The following KAZN variants were observed in gnomAD, a reference collection of about 807,000 sequenced individuals.
KAZN encodes the protein kazrin.
A neutral mutation model predicts 87.4 loss-of-function variants in KAZN; 40 were observed. The ratio of observed to expected loss-of-function variants is 0.46; its 90% CI spans 0.36 to 0.60. The LOEUF (loss-of-function observed/expected upper bound fraction) is 0.60. Ranked by LOEUF, KAZN falls within the 20% of genes least tolerant of loss-of-function variation. KAZN has a pLI of 0.00. For synonymous variants in KAZN, 466 were observed against 458.3 expected (o/e 1.02, Z -0.22); for missense variants, 898 against 1,073.9 (o/e 0.84, Z 2.29).
intron 1 of KAZN, among the ~76,000 whole-genome samples, chr1:14,763,388 T>A (rs1253373309): frequency 6.6e-6 from 1 of 152,180 alleles, no homozygotes; most frequent in African/African-American, 2.4e-5. Context: ...AGGATCCCAC[T>A]CACCTGTGTT....
chr1:14,357,620 T>C (rs1181972699), intron 2 of KAZN, among the ~76,000 whole-genome samples: 1 of 152,066 alleles, frequency 6.6e-6, no homozygotes, highest in Non-Finnish European at 1.5e-5. Context: ...TTATTGAGAG[T>C]TTTTAGCACG....
chr1:14,433,073 C>T (rs1005738284), intron 2 of KAZN, among the ~76,000 whole-genome samples: 1 of 152,026 alleles, frequency 6.6e-6, no homozygotes, highest in African/African-American at 2.4e-5. Flanking sequence ...TCCCAAAGCT[C>T]TACATATTTA....
rs140471615 is a variant in KAZN, at chr1:13,958,806, C to T, written c.91+65050C>T. Among the ~76,000 whole-genome samples, 393 of 152,036 alleles carry T rather than the reference C, an allele frequency of 2.6e-3. 1 individual carries two copies. The highest frequency in any genetic ancestry group is 4.5e-3 in the Non-Finnish European group (305 of 67,966). ...GGTAGATTTCAGAACAGAGAGGAGA[C>T]CAATGTGGCTGGAGCCAAGGCGGGA... On this transcript the variant is annotated intron_variant, in intron 1 of 16. Transcript: ENST00000636203.
At chr1:13,970,640 T>A (rs1642104882) in intron 1 of KAZN, among the ~76,000 whole-genome samples, 1 of 152,244 alleles carries the variant, frequency 6.6e-6, no homozygotes, top group South Asian at 2.1e-4. Context: ...CTCTTAAGAT[T>A]GTTCTCTTTT....
intron 1 of KAZN, among the ~76,000 whole-genome samples, chr1:14,740,278 G>T (rs953058960): frequency 2.0e-5 from 3 of 152,202 alleles, no homozygotes; most frequent in African/African-American, 7.2e-5. Flanking sequence ...AATCCCAGAT[G>T]CACAGGCTGT....
At chr1:14,295,249 T>G (rs1269419288) in intron 2 of KAZN, among the ~76,000 whole-genome samples, 1 of 152,238 alleles carries the variant, frequency 6.6e-6, no homozygotes, top group African/African-American at 2.4e-5. Flanking sequence ...CCAGCCATGT[T>G]TGCCTCTAGG....
In KAZN at chr1:14,773,517, A is replaced by G. The variant is rs1645080199; in HGVS notation, c.226+174294A>G. Among the ~76,000 whole-genome samples the G allele has an allele frequency of 6.6e-6, 1 of 152,126 alleles. No individual in the cohort carries two copies. Among genetic ancestry groups the G allele is most frequent in the Admixed American group, 6.5e-5 (1 of 15,270 alleles). On this transcript the variant is annotated intron_variant, in intron 1 of 14. Coordinates refer to ENST00000376030, the MANE Select transcript of KAZN (RefSeq NM_201628.3). This position sits in a 1 kb window ranked among gnomAD's most constrained non-coding sequence, Gnocchi z 5.9. ...CTTCCAGAGTGGTCACTGGGAGGCA[A>G]AAGGGCCTGGCTTCCCCGAATCTCA...
At chr1:13,901,425 A>G (rs1639246611) in intron 1 of KAZN, among the ~76,000 whole-genome samples, 2 of 152,236 alleles carry the variant, frequency 1.3e-5, no homozygotes, top group South Asian at 4.1e-4. Context: ...GGTCTGAAAC[A>G]AGGGGCCGGA....
At chr1:14,646,312 G>A (rs1468906105) in intron 1 of KAZN, among the ~76,000 whole-genome samples, 1 of 152,228 alleles carries the variant, frequency 6.6e-6, no homozygotes, top group East Asian at 1.9e-4. Context: ...TTGGGAGGCT[G>A]AGGCAGGAGG....
At chr1:14,430,249 C>A (rs1284080188) in intron 2 of KAZN, among the ~76,000 whole-genome samples, 1 of 149,476 alleles carries the variant, frequency 6.7e-6, no homozygotes, top group Non-Finnish European at 1.5e-5. Flanking sequence ...TCTTTGCCTA[C>A]TTTTTTTTCC....
chr1:15,067,110 T>G lies in KAZN; in HGVS notation c.1222+1357T>G, dbSNP rs939874979. The G allele has an allele frequency of 6.1e-6, 6 of 985,628 alleles. No individual in the cohort carries two copies. The African/African-American group carries it at 7.0e-5, about 11-fold the overall frequency. 61.1% of individuals were successfully genotyped at this position (985,628 alleles called of 1,614,324 possible). A position where few individuals can be genotyped will look rare whatever the true frequency, so the allele number is the denominator to read the frequency against. On this transcript the variant is annotated intron_variant, in intron 8 of 14. Transcript: ENST00000376030. ...CAGCTTCTGTTCCTCCCTGCAGCTG[T>G]GTCTTTCTTGTCCTGGGTTTAGGAT... is the stretch of plus-strand genomic sequence containing the variant.
At position 14,806,375 on chromosome 1, in the gene KAZN, A is replaced by G. The variant is rs112595777; in HGVS notation, c.227-154309A>G. 3.2e-3 allele frequency among the ~76,000 whole-genome samples: 485 copies of G among 152,282 alleles called. 6 individuals carry two copies. The highest frequency in any genetic ancestry group is 0.011 in the African/African-American group (459 of 41,546). ...GCCGTGTTCATTTTTTTGACATTCA[A>G]TTATATTTCTTATTTTATCATTTGG... On this transcript the variant is annotated intron_variant, in intron 1 of 14. Transcript: ENST00000376030.
At chr1:14,384,557 G>A (rs1661690719) in intron 2 of KAZN, among the ~76,000 whole-genome samples, 1 of 152,128 alleles carries the variant, frequency 6.6e-6, no homozygotes, top group Admixed American at 6.5e-5. Context: ...GGCCTTTTCT[G>A]CCTCTATTGA....
intron 2 of KAZN, among the ~76,000 whole-genome samples, chr1:14,277,346 T>C (rs1456111168): frequency 6.6e-6 from 1 of 152,192 alleles, no homozygotes; most frequent in Non-Finnish European, 1.5e-5. Flanking sequence ...AACACCTAAA[T>C]TATTTTTAAA....
chr1:15,040,302 C>T (rs564256275), intron 3 of KAZN, among the ~76,000 whole-genome samples: 14 of 152,350 alleles, frequency 9.2e-5, no homozygotes, highest in Admixed American at 5.2e-4. Context: ...CCCTCGCCCA[C>T]GCAACTGTGC....
At chr1:14,667,482 T>C (rs765260377) in intron 1 of KAZN, among the ~76,000 whole-genome samples, 6 of 152,244 alleles carry the variant, frequency 3.9e-5, no homozygotes, top group Non-Finnish European at 7.3e-5. Context: ...TGCTGTTCTC[T>C]GAACCACGTT....
At chr1:13,959,853 A>G (rs896043947) in intron 1 of KAZN, among the ~76,000 whole-genome samples, 1 of 152,198 alleles carries the variant, frequency 6.6e-6, no homozygotes, top group African/African-American at 2.4e-5. Flanking sequence ...TTTGCTGCCC[A>G]ACACCCTCCG....
At chr1:14,462,823 T>A (rs1488098341) in intron 2 of KAZN, among the ~76,000 whole-genome samples, 1 of 152,146 alleles carries the variant, frequency 6.6e-6, no homozygotes, top group East Asian at 1.9e-4. Context: ...CCTGGCCCCA[T>A]GATTCAGTTA....
intron 1 of KAZN, among the ~76,000 whole-genome samples, chr1:14,901,822 G>C (rs760465031): frequency 1.3e-5 from 2 of 152,160 alleles, no homozygotes; most frequent in Admixed American, 1.3e-4. Context: ...GGGCGGCCAG[G>C]GTTCCGCCTC....
Sources: allele counts gnomAD v4.1 joint callset (sites outside exome capture counted in the v4.1 genomes callset), GRCh38; gene constraint gnomAD v4.1.1; non-coding constraint Gnocchi (gnomAD v3.1); transcripts MANE v1.5; gene names NCBI Gene and HGNC (gene_info 2026-07-23, HGNC 2026-07-21).